The following PLGRKT variants were observed in gnomAD, a reference collection of about 807,000 sequenced individuals.
PLGRKT encodes plasminogen receptor (KT).
Under a neutral mutation model 18.5 loss-of-function variants are expected in PLGRKT, and 22 were observed. That is an observed-to-expected ratio of 1.19 (90% CI 0.85 to 1.70). The LOEUF (loss-of-function observed/expected upper bound fraction) is 1.70, where lower values mean the gene tolerates loss of function less well. Among genes scored for constraint, PLGRKT ranks in the 40% most tolerant of loss-of-function variants. The probability of loss-of-function intolerance (pLI) is 0.00; values close to 1 mark genes in which losing one functional copy is unlikely to be tolerated. For synonymous variants in PLGRKT, 72 were observed against 52.8 expected (o/e 1.36, Z -1.58); for missense variants, 235 against 174.4 (o/e 1.35, Z -1.96).
At chr9:5,423,468 A>C (rs1818615862) in intron 3 of PLGRKT, among the ~76,000 whole-genome samples, 1 of 152,090 alleles carries the variant, frequency 6.6e-6, no homozygotes, top group Admixed American at 6.5e-5. Context: ...TTCTTCCTTC[A>C]TTTTATCCTT....
chr9:5,381,925 C>G (rs1326204835), intron 3 of PLGRKT: 1 of 985,112 alleles, frequency 1.0e-6, no homozygotes, highest in African/African-American at 1.7e-5. Flanking sequence ...GAGGAAGAGT[C>G]TGCTCCGAGA....
chr9:5,391,221 G>T (rs1438304628), intron 3 of PLGRKT, among the ~76,000 whole-genome samples: 1 of 151,934 alleles, frequency 6.6e-6, no homozygotes, highest in Non-Finnish European at 1.5e-5. Flanking sequence ...ATATGGTTTT[G>T]ATTTGTGCTA....
At chr9:5,424,691 T>TATATATATATATATATATACACACACAC (rs201541927) in intron 3 of PLGRKT, among the ~76,000 whole-genome samples, 2 of 70,502 alleles carry the variant, frequency 2.8e-5, no homozygotes, top group African/African-American at 1.2e-4. Flanking sequence ...TATATATATA[T>TATATATATATATATATATACACACACAC]ACACACAGGG....
At chr9:5,411,610 C>G (rs1308707812) in intron 3 of PLGRKT, among the ~76,000 whole-genome samples, 3 of 152,070 alleles carry the variant, frequency 2.0e-5, no homozygotes, top group African/African-American at 7.2e-5. Context: ...CAAGTGCACA[C>G]AAAGAAGAAT....
chr9:5,426,931 G>A (rs1421702507), intron 3 of PLGRKT, among the ~76,000 whole-genome samples: 1 of 152,158 alleles, frequency 6.6e-6, no homozygotes, highest in Non-Finnish European at 1.5e-5. Context: ...GACTTGGAGT[G>A]CGTGCCGCTT....
intron 3 of PLGRKT, among the ~76,000 whole-genome samples, chr9:5,425,568 T>A (rs1818681517): frequency 2.0e-5 from 3 of 152,170 alleles, no homozygotes. Context: ...TCACCAATTA[T>A]AATTATGTAG....
At chr9:5,432,036 T>A (rs1818837946) in intron 2 of PLGRKT, 53 bp from the exon 3 acceptor site, 1 of 786,682 alleles carries the variant, frequency 1.3e-6, no homozygotes, top group Non-Finnish European at 2.3e-6. Flanking sequence ...CATGCATTCT[T>A]GTATGCTCCA....
chr9:5,409,383 T>A (rs536561803), intron 3 of PLGRKT, among the ~76,000 whole-genome samples: 1 of 152,318 alleles, frequency 6.6e-6, no homozygotes, highest in East Asian at 1.9e-4. Context: ...CTGGCCTACA[T>A]CTTTCTCCCG....
At chr9:5,368,777 G>C (rs1284414551) in intron 3 of PLGRKT, among the ~76,000 whole-genome samples, 1 of 152,178 alleles carries the variant, frequency 6.6e-6, no homozygotes, top group Non-Finnish European at 1.5e-5. Flanking sequence ...CAATGGAACA[G>C]AGCAGAGCCC....
Position 5,418,239 on chromosome 9 carries a change from A to T in PLGRKT, c.81+13658T>A, listed in dbSNP as rs1818501478. The stretch of plus-strand genomic sequence containing the variant: ...CATGTCTGTCTTGCGGTAAATCAAG[A>T]GGCAAACCAGAGGCCAGCTCTCAGC... On this transcript the variant is annotated intron_variant, in intron 3 of 5. Coordinates refer to ENST00000223864, the MANE Select transcript of PLGRKT (RefSeq NM_018465.4). The surrounding 1 kb of genome is among the most constrained non-coding windows in gnomAD (Gnocchi z 4.2). 1 of 357,374 alleles carries T rather than the reference A, an allele frequency of 2.8e-6. No homozygotes were observed. The highest frequency in any genetic ancestry group is 5.3e-6 in the Non-Finnish European group (1 of 187,868). The allele number at this position is 357,374 out of a possible 1,614,324, so 22.1% of individuals were successfully genotyped here.
At chr9:5,421,245 C>G (rs574193224) in intron 3 of PLGRKT, among the ~76,000 whole-genome samples, 1 of 152,214 alleles carries the variant, frequency 6.6e-6, no homozygotes, top group East Asian at 1.9e-4. Context: ...CATTCACTTT[C>G]CTTTTGCCTG....
intron 3 of PLGRKT, among the ~76,000 whole-genome samples, chr9:5,404,781 A>C (rs1818223981): frequency 1.3e-5 from 2 of 152,208 alleles, no homozygotes; most frequent in Non-Finnish European, 2.9e-5. Flanking sequence ...TAGCCAGGTC[A>C]ATCAGGCAAG....
At chr9:5,372,291 T>C (rs1817536090) in intron 3 of PLGRKT, among the ~76,000 whole-genome samples, 1 of 152,140 alleles carries the variant, frequency 6.6e-6, no homozygotes, top group Non-Finnish European at 1.5e-5. Flanking sequence ...CAACAGGTGA[T>C]GCACTAATAA....
intron 3 of PLGRKT, among the ~76,000 whole-genome samples, chr9:5,385,461 C>G (rs1439373584): frequency 6.6e-6 from 1 of 151,572 alleles, no homozygotes; most frequent in Non-Finnish European, 1.5e-5. Context: ...ATCCTCCTGC[C>G]TCAGCTACCG....
intron 3 of PLGRKT, among the ~76,000 whole-genome samples, chr9:5,401,708 CCA>C (rs1818157545): frequency 6.6e-6 from 1 of 151,898 alleles, no homozygotes; most frequent in Admixed American, 6.5e-5. Flanking sequence ...TATTCAAAAG[CCA>C]ATATCACCTT....
At chr9:5,362,346 T>C (rs982880953) in intron 3 of PLGRKT, among the ~76,000 whole-genome samples, 2 of 152,340 alleles carry the variant, frequency 1.3e-5, no homozygotes, top group East Asian at 1.9e-4. Flanking sequence ...AATATCATAG[T>C]AGATGGGTGT....
At chr9:5,416,011 G>A (rs916558053) in intron 3 of PLGRKT, among the ~76,000 whole-genome samples, 1 of 151,302 alleles carries the variant, frequency 6.6e-6, no homozygotes, top group Non-Finnish European at 1.5e-5. Context: ...TCCTGGTTTT[G>A]ATCATTGTAC....
rs971803014 is a variant in PLGRKT, at chr9:5,363,532, G to C, written c.82-1644C>G. On this transcript the variant is annotated intron_variant, in intron 3 of 5. Coordinates refer to ENST00000223864, the MANE Select transcript of PLGRKT (RefSeq NM_018465.4). ...TTCTTCACACCCCTTGGCCGCTGAG[G>C]GAGACGGAAGTGGCCTCTCTTAGGC... Among the ~76,000 whole-genome samples the C allele has an allele frequency of 2.0e-5, 3 of 152,122 alleles. No homozygotes were observed. The East Asian group carries it at 5.8e-4, about 30-fold the overall frequency.
At chr9:5,399,165 T>A (rs1402366893) in intron 3 of PLGRKT, among the ~76,000 whole-genome samples, 1 of 151,864 alleles carries the variant, frequency 6.6e-6, no homozygotes, top group South Asian at 2.1e-4. Context: ...GTCTCAATCA[T>A]CTGGCTGCTT....
Sources: allele counts gnomAD v4.1 joint callset (sites outside exome capture counted in the v4.1 genomes callset), GRCh38; gene constraint gnomAD v4.1.1; non-coding constraint Gnocchi (gnomAD v3.1); transcripts MANE v1.5; gene names NCBI Gene and HGNC (gene_info 2026-07-23, HGNC 2026-07-21).